CNRIP1: variants seen among roughly 807,000 people sequenced by gnomAD.
CNRIP1 encodes the protein CB1 cannabinoid receptor-interacting protein 1.
CNRIP1 carries 10 observed loss-of-function variants against 15.2 expected under a neutral mutation model. The observed-to-expected ratio is 0.66, with a 90% CI of 0.41 to 1.12. The LOEUF (loss-of-function observed/expected upper bound fraction) is 1.12. CNRIP1 is among the 50% of genes most tolerant of loss of function. The probability of loss-of-function intolerance (pLI) is 0.00; values close to 1 mark genes in which losing one functional copy is unlikely to be tolerated. For missense variants in CNRIP1, 211 were observed against 214.7 expected (o/e 0.98, Z 0.11); for synonymous variants, 91 against 83.2 (o/e 1.09, Z -0.51).
At chr2:68,284,243 C>G (rs1451537867) in exon 3 of CNRIP1, 1 of 427,056 alleles carries the variant, frequency 2.3e-6, no homozygotes, top group Non-Finnish European at 4.1e-6. Flanking sequence ...TTTGGATTTA[C>G]TCTCAGAGAG....
At chr2:68,291,573 AGTTAAAAAAGAAAAAAAAAAGTATGGGCC>A (rs1558660228), downstream of CNRIP1, among the ~76,000 whole-genome samples, 17 of 151,824 alleles carry the variant, frequency 1.1e-4, no homozygotes, top group African/African-American at 3.6e-4. Context: ...TAAAGCCTTT[AGTTAAAAAAGAAAAAAAAAAGTATGGGCC>A]CAGCGTAGTG....
Position 68,293,135 on chromosome 2 carries a change from C to G in CNRIP1, c.*727G>C. ...TGTGCGTGTCTGAAGACTATGGAAG[C>G]TTGTCAAAGGGGTAACCCTACAACT... On this transcript the variant is annotated 3_prime_UTR_variant, in exon 3 of 3. Transcript: ENST00000263655. The G allele has an allele frequency of 1.0e-6, 1 of 985,454 alleles. No homozygotes were observed. The highest frequency in any genetic ancestry group is 4.7e-5 in the South Asian group (1 of 21,292). 61.0% of individuals were successfully genotyped at this position (985,454 alleles called of 1,614,324 possible). A position where few individuals can be genotyped will look rare whatever the true frequency, so the allele number is the denominator to read the frequency against.
intron 2 of CNRIP1, chr2:68,316,860 A>G: frequency 1.7e-6 from 1 of 586,366 alleles, no homozygotes. Context: ...AATTATCTAA[A>G]CCAGTTCTGA....
Position 68,293,732 on chromosome 2 carries a change from A to G in CNRIP1, c.*130T>C. On this transcript the variant is annotated 3_prime_UTR_variant, in exon 3 of 3. Transcript: ENST00000263655. ...GGGGAATTACACTTTCAAAATAACCAGGGCTAGTAGGTCATTAGTACCAGA... is the reference window on the plus strand; with the variant it reads ...GGGGAATTACACTTTCAAAATAACCGGGGCTAGTAGGTCATTAGTACCAGA... 6.8e-7 allele frequency: 1 copy of G among 1,463,016 alleles called. No homozygotes were observed. Among genetic ancestry groups the G allele is most frequent in the Non-Finnish European group, 9.0e-7 (1 of 1,106,040 alleles). 90.6% of individuals were successfully genotyped at this position (1,463,016 alleles called of 1,614,324 possible). A position where few individuals can be genotyped will look rare whatever the true frequency, so the allele number is the denominator to read the frequency against.
At chr2:68,306,478 G>A (rs558632777) in intron 2 of CNRIP1, among the ~76,000 whole-genome samples, 3 of 152,190 alleles carry the variant, frequency 2.0e-5, no homozygotes, top group Admixed American at 2.0e-4. Context: ...GCTCTATCAT[G>A]GTATAAAGAT....
At chr2:68,300,051 C>T (rs1671546072) in intron 2 of CNRIP1, among the ~76,000 whole-genome samples, 1 of 152,210 alleles carries the variant, frequency 6.6e-6, no homozygotes, top group South Asian at 2.1e-4. Flanking sequence ...TCAATTTCCA[C>T]TGAATTTCAA....
intron 2 of CNRIP1, among the ~76,000 whole-genome samples, chr2:68,309,870 T>C (rs1024242967): frequency 3.3e-5 from 5 of 152,186 alleles, no homozygotes; most frequent in African/African-American, 4.8e-5. Context: ...ACAGGGGCCA[T>C]TGAAAAAGCA....
At chr2:68,301,423 G>A (rs1671599731) in intron 2 of CNRIP1, among the ~76,000 whole-genome samples, 1 of 152,114 alleles carries the variant, frequency 6.6e-6, no homozygotes, top group South Asian at 2.1e-4. Flanking sequence ...ATCCTTAATG[G>A]CAAAAGACCG....
At chr2:68,316,365 AG>A (rs1191738479) in intron 2 of CNRIP1, 1 of 152,198 alleles carries the variant, frequency 6.6e-6, no homozygotes, top group Non-Finnish European at 1.5e-5. Flanking sequence ...ATAAAGCTAG[AG>A]GGCAGACAGT....
chr2:68,297,805 G>T (rs1264822809), intron 2 of CNRIP1, among the ~76,000 whole-genome samples: 1 of 152,078 alleles, frequency 6.6e-6, no homozygotes, highest in African/African-American at 2.4e-5. Context: ...ATTTAGGGTT[G>T]TCGATGATTC....
rs902146251 is a variant in CNRIP1 at position 68,319,666 on chromosome 2, C to T, written c.-266G>A. On this transcript the variant is annotated 5_prime_UTR_variant, in exon 1 of 3. Coordinates refer to ENST00000263655, the MANE Select transcript of CNRIP1 (RefSeq NM_015463.3). ...CAAGGCCGCGCGCTTCCCCATCCCC[C>T]GCTCCAGTGCTGCGCCCTCCACGCA... 4.6e-6 allele frequency: 2 copies of T among 431,918 alleles called. No individual in the cohort carries two copies. The highest frequency in any genetic ancestry group is 8.3e-6 in the Non-Finnish European group (2 of 241,726). The allele number at this position is 431,918 out of a possible 1,614,324, so 26.8% of individuals were successfully genotyped here.
At chr2:68,307,487 CATTTTTT>C (rs1217410201) in intron 2 of CNRIP1, among the ~76,000 whole-genome samples, 8 of 152,196 alleles carry the variant, frequency 5.3e-5, no homozygotes, top group East Asian at 3.9e-4. Flanking sequence ...ACGCCTGGCT[CATTTTTT>C]ATTTTTTATT....
rs550391427 is a variant in CNRIP1 at position 68,308,819 on chromosome 2, G to T, written c.330+8338C>A. 1.5e-3 allele frequency among the ~76,000 whole-genome samples: 233 copies of T among 151,672 alleles called. 2 individuals carry two copies. The highest frequency in any genetic ancestry group is 5.3e-3 in the African/African-American group (220 of 41,352). On this transcript the variant is annotated intron_variant, in intron 2 of 2. Transcript: ENST00000263655. ...AGAACTTTTTTTTTCTACCCAATAA[G>T]ACAGCACATGACTAGATGAACAAGA...
rs1357647861 is a variant in CNRIP1, at chr2:68,319,439, G to T, written c.-39C>A. On this transcript the variant is annotated 5_prime_UTR_variant, in exon 1 of 3. Transcript: ENST00000263655. ...TCTGGCGCGGCGGCTCCGGGGGGCG[G>T]AGGACAGCGCCGGCTGCGGCCGAGT... 8.1e-6 allele frequency: 12 copies of T among 1,482,840 alleles called. No homozygotes were observed. Among genetic ancestry groups the T allele is most frequent in the Non-Finnish European group, 1.1e-5 (12 of 1,117,688 alleles). The allele number at this position is 1,482,840 out of a possible 1,614,324, so 91.9% of individuals were successfully genotyped here.
chr2:68,311,779 G>GAAAAAAAA (rs59421926), intron 2 of CNRIP1, among the ~76,000 whole-genome samples: 1 of 90,282 alleles, frequency 1.1e-5, no homozygotes, highest in Non-Finnish European at 2.1e-5. Flanking sequence ...CATCTCCGGG[G>GAAAAAAAA]AAAAAAAAAA....
At position 68,319,367 on chromosome 2, in the gene CNRIP1, TG is replaced by T; in HGVS notation, c.33del (p.Ile12SerfsTer39). On this transcript the variant is annotated frameshift_variant, in exon 1 of 3. Coordinates refer to ENST00000263655, the MANE Select transcript of CNRIP1 (RefSeq NM_015463.3). LOFTEE classifies it high-confidence loss of function. ...TCATTAGGCTGGATGCGCAGCGCGATGGAGAGGCGCACGAGGCCCGGCAGGT... is the reference window on the plus strand; with the variant it reads ...TCATTAGGCTGGATGCGCAGCGCGATGAGAGGCGCACGAGGCCCGGCAGGT... MGDLPGLVRLSIALRIQPNDG... is the reference protein window; with the variant it reads MGDLPGLVRLXIALRIQPNDG... 6.3e-7 allele frequency: 1 copy of T among 1,586,558 alleles called. No homozygotes were observed. The highest frequency in any genetic ancestry group is 1.1e-5 in the South Asian group (1 of 87,914).
chr2:68,302,095 A>G (rs1193553446), intron 2 of CNRIP1, among the ~76,000 whole-genome samples: 1 of 152,116 alleles, frequency 6.6e-6, no homozygotes, highest in Non-Finnish European at 1.5e-5. Flanking sequence ...CAATAGTGAG[A>G]TAAAACCATT....
chr2:68,306,124 C>CAAAAAAAAAAAA (rs61586261), intron 2 of CNRIP1, among the ~76,000 whole-genome samples: 391 of 25,336 alleles, frequency 0.015, 70 homozygotes, highest in Non-Finnish European at 0.019. Flanking sequence ...CCCACCTCTA[C>CAAAAAAAAAAAA]AAAAAAAAAA....
chr2:68,288,268 C>A (rs1042138961), downstream of CNRIP1, among the ~76,000 whole-genome samples: 1 of 152,104 alleles, frequency 6.6e-6, no homozygotes, highest in Non-Finnish European at 1.5e-5. Flanking sequence ...CAATATTTTT[C>A]TTGACTCAAC....
Sources: allele counts gnomAD v4.1 joint callset (sites outside exome capture counted in the v4.1 genomes callset), GRCh38; gene constraint gnomAD v4.1.1; transcripts MANE v1.5; gene names NCBI Gene and HGNC (gene_info 2026-07-23, HGNC 2026-07-21).